Variants in LRRIQ1 observed in about 807,000 individuals in gnomAD.
LRRIQ1 encodes leucine rich repeats and IQ motif containing 1, also known as leucine-rich repeat- and IQ domain-containing protein 1.
A neutral mutation model predicts 211.9 loss-of-function variants in LRRIQ1; 210 were observed. The observed-to-expected ratio is 0.99, with a 90% confidence interval of 0.89 to 1.11. The LOEUF is 1.11. Ranked by LOEUF, LRRIQ1 falls within the 50% of genes most tolerant of loss-of-function variation. The pLI is 0.00. For synonymous variants in LRRIQ1, 699 were observed against 650.1 expected (o/e 1.08, Z -1.14); for missense variants, 2,136 against 1,939.5 (o/e 1.10, Z -1.90).
intron 23 of LRRIQ1, among the ~76,000 whole-genome samples, chr12:85,155,278 A>T (rs192969548): frequency 9.2e-4 from 140 of 151,682 alleles, no homozygotes; most frequent in Non-Finnish European, 1.4e-3. Flanking sequence ...TTTAAAGAAA[A>T]TATAAACACC....
chr12:85,156,477 ATTAT>A (rs1462402397), intron 23 of LRRIQ1, among the ~76,000 whole-genome samples: 23 of 151,766 alleles, frequency 1.5e-4, no homozygotes, highest in African/African-American at 5.1e-4. Context: ...CTGTGAGCAA[ATTAT>A]TTAAGATTCT....
At chr12:85,208,055 T>G (rs534354052) in intron 24 of LRRIQ1, among the ~76,000 whole-genome samples, 1 of 152,152 alleles carries the variant, frequency 6.6e-6, no homozygotes, top group African/African-American at 2.4e-5. Flanking sequence ...TGACAAAGTT[T>G]TATATATATA....
chr12:85,167,569 C>T (rs1891214884), intron 24 of LRRIQ1, among the ~76,000 whole-genome samples: 1 of 152,176 alleles, frequency 6.6e-6, no homozygotes, highest in African/African-American at 2.4e-5. Context: ...GGCTGGAAGA[C>T]TCAGCAAGTC....
chr12:85,056,509 G>T lies in LRRIQ1; in HGVS notation c.1716G>T (p.Gln572His), dbSNP rs756535868. Residue 572 changes from glutamine (Q) to histidine (H), a missense_variant, in exon 8 of 27, where the codon CAG (glutamine) becomes CAT (histidine). By Grantham distance (24) the Gln-to-His change is conservative. Coordinates refer to ENST00000393217, the MANE Select transcript of LRRIQ1 (RefSeq NM_001079910.2). ...GTGAGGTGAAAACCAATGAAGAGCAGAAAATAATCAAAGATAATCAGCAGA... is the reference window on the plus strand; with the variant it reads ...GTGAGGTGAAAACCAATGAAGAGCATAAAATAATCAAAGATAATCAGCAGA... ...EISEVKTNEE[Q>H]KIIKDNQQKK... 6.2e-7 allele frequency: 1 copy of T among 1,611,610 alleles called. No individual in the cohort carries two copies. Among genetic ancestry groups the T allele is most frequent in the Admixed American group, 1.7e-5 (1 of 59,778 alleles).
At chr12:85,222,267 A>G (rs936086943) in intron 24 of LRRIQ1, among the ~76,000 whole-genome samples, 2 of 152,200 alleles carry the variant, frequency 1.3e-5, no homozygotes, top group African/African-American at 4.8e-5. Flanking sequence ...AATGGATATC[A>G]TTATACGGAG....
intron 24 of LRRIQ1, among the ~76,000 whole-genome samples, chr12:85,212,131 A>G (rs1430987114): frequency 6.6e-6 from 1 of 152,026 alleles, no homozygotes; most frequent in African/African-American, 2.4e-5. Flanking sequence ...CAATAACAAC[A>G]AAAAGTAGCC....
chr12:85,175,720 A>G (rs1891666380), intron 24 of LRRIQ1, among the ~76,000 whole-genome samples: 1 of 152,154 alleles, frequency 6.6e-6, no homozygotes, highest in Non-Finnish European at 1.5e-5. Context: ...AGCTTTCTAC[A>G]TATGGCTAGC....
chr12:85,210,707 T>C (rs563293927), intron 24 of LRRIQ1, among the ~76,000 whole-genome samples: 69 of 152,334 alleles, frequency 4.5e-4, no homozygotes, highest in African/African-American at 1.6e-3. Context: ...TCCATGGGAC[T>C]CTCGTGTTTC....
At chr12:85,042,373 T>C (rs1442803390) in intron 3 of LRRIQ1, among the ~76,000 whole-genome samples, 1 of 149,228 alleles carries the variant, frequency 6.7e-6, no homozygotes, top group Non-Finnish European at 1.5e-5. Context: ...AATCGTTAAT[T>C]ATTTAAATTA....
chr12:85,251,003 A>ATT (rs1216609746), intron 1 of LRRIQ1, among the ~76,000 whole-genome samples: 60 of 122,186 alleles, frequency 4.9e-4, no homozygotes, highest in Non-Finnish European at 8.3e-4. Flanking sequence ...TATTATATAT[A>ATT]ATATATATAC....
intron 8 of LRRIQ1, among the ~76,000 whole-genome samples, chr12:85,062,997 C>T (rs1271017746): frequency 6.6e-6 from 1 of 151,666 alleles, no homozygotes; most frequent in East Asian, 1.9e-4. Flanking sequence ...ACGTGTATGT[C>T]TTCTTTCAAA....
intron 11 of LRRIQ1, among the ~76,000 whole-genome samples, chr12:85,089,869 A>T (rs1210165788): frequency 6.6e-6 from 1 of 152,226 alleles, no homozygotes; most frequent in Non-Finnish European, 1.5e-5. Context: ...ATTACTTGCT[A>T]GAGATATTTG....
chr12:85,261,801 A>ATTTGTTTG (rs752042225), intron 1 of LRRIQ1, among the ~76,000 whole-genome samples: 8,330 of 149,092 alleles, frequency 0.056, 351 homozygotes, highest in African/African-American at 0.12. Context: ...TTATTTATTT[A>ATTTGTTTG]TTTTTGAGAC....
chr12:85,094,264 A>G (rs1807081580), intron 11 of LRRIQ1, among the ~76,000 whole-genome samples: 1 of 152,182 alleles, frequency 6.6e-6, no homozygotes, highest in South Asian at 2.1e-4. Flanking sequence ...GGGGCCATCT[A>G]TTTGCAGGAA....
At chr12:85,076,004 C>G (rs193192934) in intron 11 of LRRIQ1, among the ~76,000 whole-genome samples, 1 of 152,092 alleles carries the variant, frequency 6.6e-6, no homozygotes, top group Non-Finnish European at 1.5e-5. Context: ...TTTAAATTAC[C>G]TTATTCTTCT....
chr12:85,198,217 G>T (rs888861536), intron 24 of LRRIQ1, among the ~76,000 whole-genome samples: 1 of 135,876 alleles, frequency 7.4e-6, no homozygotes, highest in African/African-American at 2.8e-5. Flanking sequence ...ACTGTTGATG[G>T]GCATTTAGGT....
At chr12:85,266,735 T>A (rs1896429030), downstream of LRRIQ1, among the ~76,000 whole-genome samples, 2 of 152,278 alleles carry the variant, frequency 1.3e-5, no homozygotes, top group Admixed American at 6.5e-5. Flanking sequence ...ACTGCCAATG[T>A]CTGCTGTAGC....
chr12:85,136,379 G>A (rs941252506), intron 18 of LRRIQ1, among the ~76,000 whole-genome samples: 4 of 151,966 alleles, frequency 2.6e-5, no homozygotes, highest in Non-Finnish European at 5.9e-5. Flanking sequence ...ATTGGAGGTT[G>A]TTGGCATGGG....
At chr12:85,071,023 T>G (rs1418170777) in intron 10 of LRRIQ1, among the ~76,000 whole-genome samples, 1 of 152,004 alleles carries the variant, frequency 6.6e-6, no homozygotes, top group African/African-American at 2.4e-5. Flanking sequence ...TTTGCTAAAT[T>G]AATTTGATAA....
Sources: gnomAD v4.1 joint callset for allele counts (sites outside exome capture counted in the v4.1 genomes callset) on GRCh38, gnomAD v4.1.1 for gene constraint, MANE v1.5 for transcripts, NCBI Gene and HGNC (gene_info 2026-07-23, HGNC 2026-07-21) for gene names.